F13B: variants seen among roughly 807,000 people sequenced by gnomAD.
F13B encodes TGase.
Under a neutral mutation model 79.8 loss-of-function variants are expected in F13B, and 58 were observed. The ratio of observed to expected loss-of-function variants is 0.73; its 90% CI spans 0.59 to 0.90. The LOEUF is 0.90. Among genes scored for constraint, F13B ranks in the 40% least tolerant of loss-of-function variants. The pLI, the probability that F13B is intolerant of heterozygous loss-of-function variation, is 0.00. For synonymous variants in F13B, 283 were observed against 260.3 expected (o/e 1.09, Z -0.84); for missense variants, 773 against 777.0 (o/e 0.99, Z 0.06).
chr1:197,066,263 A>T (rs991220330), intron 1 of F13B, among the ~76,000 whole-genome samples: 6 of 152,184 alleles, frequency 3.9e-5, no homozygotes, highest in African/African-American at 1.4e-4. Context: ...TTAACTATTC[A>T]ACTAAAACAC....
chr1:197,049,291 G>A (rs1188943682), intron 10 of F13B, among the ~76,000 whole-genome samples: 1 of 151,842 alleles, frequency 6.6e-6, no homozygotes, highest in African/African-American at 2.4e-5. Context: ...AAAATAGAAA[G>A]CAAAATTTGA....
intron 10 of F13B, among the ~76,000 whole-genome samples, chr1:197,043,504 C>T (rs1017554182): frequency 6.6e-6 from 1 of 152,016 alleles, no homozygotes; most frequent in African/African-American, 2.4e-5. Context: ...TGCAGACAAG[C>T]CTTAATAAAA....
intron 10 of F13B, among the ~76,000 whole-genome samples, chr1:197,047,675 T>C (rs116359808): frequency 0.015 from 2,306 of 152,288 alleles, 53 homozygotes; most frequent in African/African-American, 0.049. Context: ...CATTCTGCTA[T>C]AAAGACAAAT....
In F13B at chr1:197,057,045, C is replaced by A; in HGVS notation, c.1139G>T (p.Arg380Leu). The A allele has an allele frequency of 6.2e-7, 1 of 1,613,664 alleles. No individual in the cohort carries two copies. The highest frequency in any genetic ancestry group is 1.1e-5 in the South Asian group (1 of 91,082). Reference protein sequence around the residue: ...LHGSNEITCNRGKWTLPPECV... With the variant: ...LHGSNEITCNLGKWTLPPECV... Reference sequence around the variant, plus strand: ...CTCAGGAGGAAGTGTCCATTTTCCACGATTACAAGTTATCTCATTCGATCC... The same window carrying A: ...CTCAGGAGGAAGTGTCCATTTTCCAAGATTACAAGTTATCTCATTCGATCC... Residue 380 changes from arginine to leucine, a missense_variant, in exon 7 of 12, where the codon CGT becomes CTT. Arg to Leu is a moderately radical substitution (Grantham distance 102, BLOSUM62 -2). Coordinates refer to ENST00000367412, the MANE Select transcript of F13B (RefSeq NM_001994.3).
intron 3 of F13B, 124 bp downstream of exon 3, chr1:197,061,660 T>C: frequency 2.4e-6 from 2 of 825,014 alleles, no homozygotes; most frequent in Non-Finnish European, 3.8e-6. Flanking sequence ...AATATCAACT[T>C]CCTGCATTGT....
intron 1 of F13B, among the ~76,000 whole-genome samples, chr1:197,063,279 G>A (rs1475782142): frequency 6.6e-6 from 1 of 152,026 alleles, no homozygotes; most frequent in Non-Finnish European, 1.5e-5. Context: ...ATAAAATTTA[G>A]CAGACCACTT....
chr1:197,052,727 G>T lies in F13B; in HGVS notation c.1462C>A (p.Gln488Lys), dbSNP rs1486923055. 2 of 1,611,308 alleles carry T rather than the reference G, an allele frequency of 1.2e-6. No individual in the cohort carries two copies. The highest frequency in any genetic ancestry group is 3.3e-5 in the Admixed American group (2 of 59,826). ...GTTAATGGAGATAAGTCATATCCCT[G>T]TTTACATACAAAATCTATTAAATCT... ...HGDLIDFVCK[Q>K]GYDLSPLTPL... Residue 488 changes from glutamine (Q) to lysine (K), a missense_variant, in exon 9 of 12, where the codon CAG (glutamine) becomes AAG (lysine). Transcript: ENST00000367412.
intron 10 of F13B, among the ~76,000 whole-genome samples, chr1:197,049,899 G>T (rs1002451041): frequency 6.6e-6 from 1 of 152,060 alleles, no homozygotes; most frequent in African/African-American, 2.4e-5. Context: ...CATTAAATTT[G>T]CAGGGGAAAA....
chr1:197,040,421 T>A, intron 11 of F13B, 101 bp downstream of exon 11: 1 of 763,006 alleles, frequency 1.3e-6, no homozygotes. Context: ...TTCTTTGCAA[T>A]TGCCATAAAG....
chr1:197,047,818 G>C (rs998470717), intron 10 of F13B, among the ~76,000 whole-genome samples: 2 of 152,068 alleles, frequency 1.3e-5, no homozygotes, highest in African/African-American at 2.4e-5. Context: ...CCATTAAAAA[G>C]GATGAGTTCA....
At chr1:197,040,872 A>C (rs975097472) in intron 10 of F13B, 137 bp from the exon 11 acceptor site, 4 of 652,712 alleles carry the variant, frequency 6.1e-6, no homozygotes, top group African/African-American at 1.8e-5. Flanking sequence ...CAAGTCAGTT[A>C]ATCAGAATTA....
At chr1:197,063,410 G>A (rs1655940047) in intron 1 of F13B, among the ~76,000 whole-genome samples, 1 of 152,034 alleles carries the variant, frequency 6.6e-6, no homozygotes, top group Non-Finnish European at 1.5e-5. Flanking sequence ...CTGCCACCAG[G>A]AGCTCCTGGG....
intron 11 of F13B, 59 bp from the exon 12 acceptor site, chr1:197,039,470 A>C: frequency 7.5e-7 from 1 of 1,334,858 alleles, no homozygotes; most frequent in East Asian, 2.3e-5. Context: ...GGTGTTAATT[A>C]CAATCTCAGC....
intron 2 of F13B, among the ~76,000 whole-genome samples, chr1:197,062,601 T>A (rs1052691244): frequency 6.6e-5 from 10 of 152,154 alleles, no homozygotes; most frequent in African/African-American, 1.9e-4. Context: ...CCTTGCAATA[T>A]GATAATTTCA....
chr1:197,047,542 G>T (rs2125059308), intron 10 of F13B, among the ~76,000 whole-genome samples: 1 of 152,264 alleles, frequency 6.6e-6, no homozygotes, highest in Middle Eastern at 3.4e-3. Flanking sequence ...CACTGTTGGT[G>T]GGAGTATGAA....
At chr1:197,053,559 G>A in intron 8 of F13B, among the ~76,000 whole-genome samples, 1 of 152,046 alleles carries the variant, frequency 6.6e-6, no homozygotes, top group Admixed American at 6.6e-5. Context: ...AACTGTGAGT[G>A]CATTAAATCT....
Position 197,039,328 on chromosome 1 carries a change from A to G in F13B, c.*50T>C. ...TATTTCCTCAAAATTATATTTTATA[A>G]GGAATTTCATGATGTATTGAAATAT... On this transcript the variant is annotated 3_prime_UTR_variant, in exon 12 of 12. Coordinates refer to ENST00000367412, the MANE Select transcript of F13B (RefSeq NM_001994.3). 2.1e-6 allele frequency: 3 copies of G among 1,449,958 alleles called. No individual in the cohort carries two copies. Among genetic ancestry groups the G allele is most frequent in the Non-Finnish European group, 1.9e-6 (2 of 1,038,572 alleles). 89.8% of individuals were successfully genotyped at this position (1,449,958 alleles called of 1,614,324 possible). A position where few individuals can be genotyped will look rare whatever the true frequency, so the allele number is the denominator to read the frequency against.
intron 10 of F13B, among the ~76,000 whole-genome samples, chr1:197,048,551 A>G (rs1655324770): frequency 1.3e-5 from 2 of 152,126 alleles, no homozygotes; most frequent in South Asian, 4.1e-4. Flanking sequence ...TTAAAATTAG[A>G]CAATGCCAAT....
At chr1:197,042,332 A>G (rs1655064430) in intron 10 of F13B, among the ~76,000 whole-genome samples, 1 of 152,226 alleles carries the variant, frequency 6.6e-6, no homozygotes, top group South Asian at 2.1e-4. Flanking sequence ...TGAGATTTAA[A>G]TTAAAATAAA....
Sources: gnomAD v4.1 joint callset for allele counts (sites outside exome capture counted in the v4.1 genomes callset) on GRCh38, gnomAD v4.1.1 for gene constraint, MANE v1.5 for transcripts, NCBI Gene and HGNC (gene_info 2026-07-23, HGNC 2026-07-21) for gene names.